The following ZFHX4 variants were observed in gnomAD, a reference collection of about 807,000 sequenced individuals.
ZFHX4 encodes zinc finger homeobox protein 4.
In ZFHX4, 56 loss-of-function variants were observed where a neutral mutation model predicts 267.6. That is an observed-to-expected ratio of 0.21 (90% CI 0.17 to 0.26). The LOEUF (loss-of-function observed/expected upper bound fraction) is 0.26. Among genes scored for constraint, ZFHX4 ranks in the 10% least tolerant of loss-of-function variants. ZFHX4 has a pLI of 1.00. For synonymous variants in ZFHX4, 1,778 were observed against 1,665.6 expected (o/e 1.07, Z -1.64); for missense variants, 4,332 against 4,420.0 (o/e 0.98, Z 0.56).
At chr8:76,683,682 A>G (rs1295041714) in intron 1 of ZFHX4, 1 of 150,702 alleles carries the variant, frequency 6.6e-6, no homozygotes, top group Admixed American at 6.6e-5. Context: ...GAGGGAGAGA[A>G]GAGACAAGAG....
intron 1 of ZFHX4, 123 bp from the exon 2 acceptor site, chr8:76,703,920 A>T: frequency 1.4e-6 from 1 of 710,094 alleles, no homozygotes; most frequent in Non-Finnish European, 2.3e-6. Flanking sequence ...CGCCGGTTTT[A>T]AGTTTTTCCC....
chr8:76,771,595 T>C (rs1434807546), intron 3 of ZFHX4, among the ~76,000 whole-genome samples: 2 of 152,006 alleles, frequency 1.3e-5, no homozygotes, highest in Non-Finnish European at 2.9e-5. Flanking sequence ...CCTGCCACCA[T>C]GCCTGGCTAA....
intron 1 of ZFHX4, among the ~76,000 whole-genome samples, chr8:76,697,976 G>A (rs1808002909): frequency 6.6e-6 from 1 of 151,908 alleles, no homozygotes; most frequent in African/African-American, 2.4e-5. Context: ...TCTCAGTATT[G>A]GCAAACAACA....
chr8:76,851,589 C>G lies in ZFHX4; in HGVS notation c.4668C>G (p.Leu1556=), dbSNP rs1406685500. 1.2e-6 allele frequency: 2 copies of G among 1,613,906 alleles called. No individual in the cohort carries two copies. The highest frequency in any genetic ancestry group is 1.7e-5 in the Admixed American group (1 of 60,026). ...AGTCATTCACCCAAAAGAACATTCT[C>G]TTGGTCCACTATAATTCAGTTTCTC... ...CKESFTQKNI[L]LVHYNSVSHL... The change falls in exon 10 of 11, where the codon CTC becomes CTG. Residue 1556 remains leucine, a synonymous_variant. Transcript: ENST00000651372.
chr8:76,685,860 T>G (rs1807679718), intron 1 of ZFHX4, among the ~76,000 whole-genome samples: 1 of 152,230 alleles, frequency 6.6e-6, no homozygotes, highest in Non-Finnish European at 1.5e-5. Flanking sequence ...TGTGGCTGAA[T>G]GACTTAGCTG....
intron 3 of ZFHX4, among the ~76,000 whole-genome samples, chr8:76,777,299 C>T (rs1419381337): frequency 6.6e-6 from 1 of 151,954 alleles, no homozygotes; most frequent in South Asian, 2.1e-4. Context: ...TTGAAAAAAT[C>T]AGAATTTAAG....
intron 5 of ZFHX4, among the ~76,000 whole-genome samples, chr8:76,840,034 TTTGA>T (rs1324061968): frequency 1.3e-5 from 2 of 152,176 alleles, no homozygotes; most frequent in African/African-American, 4.8e-5. Context: ...TAAGTTACCT[TTTGA>T]TTATTTTTTG....
rs1812946077 is a variant in ZFHX4 at position 76,863,792 on chromosome 8, T to G, written c.10078T>G (p.Ser3360Ala). The part of the protein sequence containing the change: ...SKVESDQPQN[S>A]NDASETKEDK... ...AGTAGAAAGTGACCAGCCGCAAAAC[T>G]CCAACGATGCTTCAGAAACAAAGGA... Residue 3360 changes from serine to alanine, a missense_variant, in exon 11 of 11, where the codon TCC becomes GCC. By Grantham distance (99) the Ser-to-Ala change is moderately conservative. Transcript: ENST00000651372. The G allele has an allele frequency of 6.4e-7, 1 of 1,552,052 alleles. No individual in the cohort carries two copies. The highest frequency in any genetic ancestry group is 8.7e-7 in the Non-Finnish European group (1 of 1,147,264).
intron 3 of ZFHX4, among the ~76,000 whole-genome samples, chr8:76,751,779 C>T (rs1217010233): frequency 2.0e-5 from 3 of 152,098 alleles, no homozygotes; most frequent in Non-Finnish European, 4.4e-5. Context: ...AAAGAAAGTA[C>T]ACAATTTGCT....
chr8:76,793,660 T>A (rs927871211), intron 4 of ZFHX4, among the ~76,000 whole-genome samples: 3 of 152,208 alleles, frequency 2.0e-5, no homozygotes, highest in Admixed American at 6.5e-5. Flanking sequence ...TTAGTATAAT[T>A]GCCATCATTT....
chr8:76,814,750 G>GA (rs1249599791), intron 4 of ZFHX4, among the ~76,000 whole-genome samples: 9 of 152,048 alleles, frequency 5.9e-5, no homozygotes, highest in Admixed American at 2.0e-4. Flanking sequence ...CTGCCTGCGT[G>GA]GACAAACCTC....
At chr8:76,833,505 C>T in intron 5 of ZFHX4, 99 bp downstream of exon 5, 1 of 884,152 alleles carries the variant, frequency 1.1e-6, no homozygotes, top group Admixed American at 2.3e-5. Flanking sequence ...TGGAACTTCT[C>T]TAATTAGATC....
At chr8:76,690,168 T>C (rs951571215) in intron 1 of ZFHX4, among the ~76,000 whole-genome samples, 11 of 152,078 alleles carry the variant, frequency 7.2e-5, no homozygotes, top group Admixed American at 3.3e-4. Context: ...ATAGGTTTCA[T>C]TGTGTTCTAG....
intron 3 of ZFHX4, among the ~76,000 whole-genome samples, chr8:76,713,466 T>C (rs1398175473): frequency 1.3e-5 from 2 of 152,174 alleles, no homozygotes; most frequent in Non-Finnish European, 2.9e-5. Flanking sequence ...GAAAGCAAAG[T>C]GTGTTATTAG....
chr8:76,754,211 G>C (rs1196682511), intron 3 of ZFHX4, among the ~76,000 whole-genome samples: 3 of 152,124 alleles, frequency 2.0e-5, no homozygotes, highest in Admixed American at 6.6e-5. Context: ...GCTTAGGCCA[G>C]GTGCAGTGGC....
chr8:76,822,141 G>A (rs1322151330), intron 4 of ZFHX4, among the ~76,000 whole-genome samples: 2 of 151,944 alleles, frequency 1.3e-5, no homozygotes, highest in African/African-American at 2.4e-5. Context: ...TGCTCCACCT[G>A]CATTTTCCCT....
chr8:76,736,856 T>C (rs551852751), intron 3 of ZFHX4, among the ~76,000 whole-genome samples: 1 of 152,140 alleles, frequency 6.6e-6, no homozygotes, highest in Non-Finnish European at 1.5e-5. Context: ...TGATTAATTG[T>C]AGGAGTAGTC....
intron 3 of ZFHX4, among the ~76,000 whole-genome samples, chr8:76,754,024 A>G (rs760447158): frequency 6.6e-6 from 1 of 152,204 alleles, no homozygotes; most frequent in Non-Finnish European, 1.5e-5. Flanking sequence ...TGTCTTGGAA[A>G]AAGTATTTAA....
intron 3 of ZFHX4, among the ~76,000 whole-genome samples, chr8:76,777,359 G>T (rs1030694506): frequency 1.1e-4 from 16 of 152,082 alleles, no homozygotes; most frequent in Non-Finnish European, 2.4e-4. Flanking sequence ...CAGAGCTTGC[G>T]AAACAGATTT....
Sources: gnomAD v4.1 joint callset for allele counts (sites outside exome capture counted in the v4.1 genomes callset) on GRCh38, gnomAD v4.1.1 for gene constraint, MANE v1.5 for transcripts, NCBI Gene and HGNC (gene_info 2026-07-23, HGNC 2026-07-21) for gene names.